The following MACROD2 variants were observed in gnomAD, a reference collection of about 807,000 sequenced individuals.
MACROD2 encodes the protein mono-ADP ribosylhydrolase 2.
MACROD2 carries 36 observed loss-of-function variants against 70.4 expected under a neutral mutation model. The observed-to-expected ratio is 0.51, with a 90% confidence interval of 0.39 to 0.68. The LOEUF (loss-of-function observed/expected upper bound fraction) is 0.68, where lower values mean the gene tolerates loss of function less well. MACROD2 is among the 30% of genes least tolerant of loss of function. The probability of loss-of-function intolerance (pLI) is 0.00; values close to 1 mark genes in which losing one functional copy is unlikely to be tolerated. For synonymous variants in MACROD2, 172 were observed against 178.8 expected (o/e 0.96, Z 0.30); for missense variants, 496 against 538.4 (o/e 0.92, Z 0.78).
intron 4 of MACROD2, among the ~76,000 whole-genome samples, chr20:14,634,285 T>A (rs1273347666): frequency 6.6e-6 from 1 of 152,234 alleles, no homozygotes; most frequent in Non-Finnish European, 1.5e-5. Context: ...CTTTGGAGGA[T>A]GGACACTGAA....
At chr20:15,710,650 G>T (rs2050613120) in intron 8 of MACROD2, among the ~76,000 whole-genome samples, 1 of 152,156 alleles carries the variant, frequency 6.6e-6, no homozygotes, top group Non-Finnish European at 1.5e-5. Context: ...CAAGTAGCAG[G>T]ATTTTCTTTT....
intron 7 of MACROD2, among the ~76,000 whole-genome samples, chr20:15,449,716 G>A (rs549674956): frequency 6.6e-6 from 1 of 152,202 alleles, no homozygotes; most frequent in East Asian, 1.9e-4. Context: ...ACAGAGGCTG[G>A]ACATGGTGTC....
intron 8 of MACROD2, among the ~76,000 whole-genome samples, chr20:15,805,062 A>G (rs1023538526): frequency 1.5e-4 from 23 of 152,150 alleles, no homozygotes; most frequent in African/African-American, 4.8e-4. Context: ...TCACTTTTCA[A>G]TGTCCCTACT....
chr20:15,351,816 G>A (rs570281879), intron 6 of MACROD2, among the ~76,000 whole-genome samples: 1 of 152,250 alleles, frequency 6.6e-6, no homozygotes, highest in African/African-American at 2.4e-5. Context: ...CCTCTACTAG[G>A]CATGCCAAAC....
intron 4 of MACROD2, among the ~76,000 whole-genome samples, chr20:14,580,207 A>G (rs1204215595): frequency 1.3e-5 from 2 of 152,206 alleles, no homozygotes; most frequent in Non-Finnish European, 2.9e-5. Context: ...AAATCACAGT[A>G]TTGTATATGG....
intron 6 of MACROD2, among the ~76,000 whole-genome samples, chr20:15,344,081 T>C (rs2078137985): frequency 6.6e-6 from 1 of 152,194 alleles, no homozygotes; most frequent in South Asian, 2.1e-4. Context: ...AAAGAGATAC[T>C]TGTAGACTAA....
intron 3 of MACROD2, among the ~76,000 whole-genome samples, chr20:14,214,832 A>T (rs748784999): frequency 2.6e-5 from 4 of 151,872 alleles, no homozygotes; most frequent in Non-Finnish European, 5.9e-5. Context: ...TAGCTCCCAC[A>T]TATCAGTGAG....
intron 8 of MACROD2, among the ~76,000 whole-genome samples, chr20:15,511,244 T>C (rs2047495059): frequency 6.6e-6 from 1 of 152,230 alleles, no homozygotes; most frequent in Non-Finnish European, 1.5e-5. Context: ...AATATTTAAA[T>C]GATATCATTT....
chr20:15,638,186 G>A (rs1233642053), intron 8 of MACROD2, among the ~76,000 whole-genome samples: 1 of 152,214 alleles, frequency 6.6e-6, no homozygotes, highest in Non-Finnish European at 1.5e-5. Flanking sequence ...TTAGGGAAAT[G>A]GAGCTGCATT....
chr20:14,267,752 T>C (rs2082155700), intron 3 of MACROD2, among the ~76,000 whole-genome samples: 1 of 152,076 alleles, frequency 6.6e-6, no homozygotes, highest in South Asian at 2.1e-4. Flanking sequence ...AAAATCTTTC[T>C]CAGTAAGCCT....
At chr20:15,112,047 G>C in intron 5 of MACROD2, among the ~76,000 whole-genome samples, 1 of 152,188 alleles carries the variant, frequency 6.6e-6, no homozygotes, top group East Asian at 1.9e-4. Context: ...ATTGAAACCT[G>C]ATAAATACCA....
At chr20:15,108,012 AT>A (rs1215235924) in intron 5 of MACROD2, among the ~76,000 whole-genome samples, 1 of 125,464 alleles carries the variant, frequency 8.0e-6, no homozygotes, top group African/African-American at 3.0e-5. Flanking sequence ...TTTTTTTATT[AT>A]TTTTTTAAAA....
At chr20:14,814,146 C>G (rs939650722) in intron 5 of MACROD2, among the ~76,000 whole-genome samples, 58 of 152,250 alleles carry the variant, frequency 3.8e-4, no homozygotes, top group African/African-American at 1.0e-3. Context: ...CTTTAAACAT[C>G]AGAATGGAGA....
At chr20:15,155,642 T>C (rs2076301806) in intron 5 of MACROD2, among the ~76,000 whole-genome samples, 1 of 152,198 alleles carries the variant, frequency 6.6e-6, no homozygotes, top group Admixed American at 6.5e-5. Flanking sequence ...GTATCTCTCT[T>C]TCTTCATTAG....
chr20:15,364,166 C>T (rs889144795), intron 6 of MACROD2, among the ~76,000 whole-genome samples: 6 of 152,158 alleles, frequency 3.9e-5, no homozygotes, highest in Admixed American at 3.9e-4. Context: ...CATAAAACAA[C>T]CAACATGGAC....
At chr20:15,223,565 T>G (rs1174218016) in intron 5 of MACROD2, among the ~76,000 whole-genome samples, 1 of 152,244 alleles carries the variant, frequency 6.6e-6, no homozygotes, top group Non-Finnish European at 1.5e-5. Flanking sequence ...AATCTCATGT[T>G]TCAATCTTTG....
intron 3 of MACROD2, among the ~76,000 whole-genome samples, chr20:14,257,121 T>C (rs2082062576): frequency 6.6e-6 from 1 of 152,134 alleles, no homozygotes; most frequent in Admixed American, 6.6e-5. Context: ...ACCATAGCAC[T>C]AGTGGTCTTT....
intron 8 of MACROD2, among the ~76,000 whole-genome samples, chr20:15,598,210 A>T (rs554222683): frequency 6.6e-6 from 1 of 152,368 alleles, no homozygotes; most frequent in South Asian, 2.1e-4. Context: ...TTTGAAGTTT[A>T]AATTATTATA....
At chr20:15,940,949 G>T (rs2065742860) in intron 12 of MACROD2, among the ~76,000 whole-genome samples, 1 of 152,160 alleles carries the variant, frequency 6.6e-6, no homozygotes, top group Non-Finnish European at 1.5e-5. Flanking sequence ...AAACATGAAA[G>T]AGGGATAATT....
Sources: allele counts gnomAD v4.1 joint callset (sites outside exome capture counted in the v4.1 genomes callset), GRCh38; gene constraint gnomAD v4.1.1; transcripts MANE v1.5; gene names NCBI Gene and HGNC (gene_info 2026-07-23, HGNC 2026-07-21).